The following GLI2 variants were observed in gnomAD, a reference collection of about 807,000 sequenced individuals.
GLI2 encodes the protein GLI family zinc finger 2, also known as transcription activator GLI2.
In GLI2, 22 loss-of-function variants were observed where a neutral mutation model predicts 78.9. That is an observed-to-expected ratio of 0.28 (90% CI 0.20 to 0.40). The LOEUF (loss-of-function observed/expected upper bound fraction) is 0.40. Among genes scored for constraint, GLI2 ranks in the 10% least tolerant of loss-of-function variants. GLI2 has a pLI of 1.00. For synonymous variants in GLI2, 974 were observed against 963.7 expected, an observed-to-expected ratio of 1.01 and a Z score of -0.20; for missense variants, 2,097 against 2,213.2, an observed-to-expected ratio of 0.95 and a Z score of 1.05.
In GLI2 at chr2:120,807,801, C is replaced by T. The variant is rs945363057; in HGVS notation, c.148+10333C>T. 5.9e-5 allele frequency among the ~76,000 whole-genome samples: 9 copies of T among 152,048 alleles called. No homozygotes were observed. In the East Asian group the frequency reaches 7.7e-4, roughly 13 times the overall value. ...CCCTCTGCTCACAGCCACACGTGGA[C>T]GCTGGTAACTCAGCCAGGCCCTGTG... is the stretch of plus-strand genomic sequence containing the variant. On this transcript the variant is annotated intron_variant, in intron 2 of 13. Coordinates refer to ENST00000361492, the MANE Select transcript of GLI2 (RefSeq NM_001374353.1).
Position 120,988,812 on chromosome 2 carries a change from C to A in GLI2, c.2847C>A (p.Ala949=). Residue 949 remains alanine, a synonymous_variant, in exon 14 of 14, where the codon GCC becomes GCA. Transcript: ENST00000361492. ...AFPHEAPGGG[A]RRASDPVRRP... Reference sequence around the variant, plus strand: ...CCCACGAGGCTCCAGGCGGCGGAGCCAGGCGGGCCAGCGACCCTGTGCGGC... The same window carrying A: ...CCCACGAGGCTCCAGGCGGCGGAGCAAGGCGGGCCAGCGACCCTGTGCGGC... 7.1e-7 allele frequency: 1 copy of A among 1,417,838 alleles called. No homozygotes were observed. Among genetic ancestry groups the A allele is most frequent in the Non-Finnish European group, 9.2e-7 (1 of 1,085,990 alleles). The allele number at this position is 1,417,838 out of a possible 1,614,324, so 87.8% of individuals were successfully genotyped here.
rs562772960 is a variant in GLI2, at chr2:120,941,118, G to A, written c.255-10125G>A. On this transcript the variant is annotated intron_variant, in intron 3 of 13. Coordinates refer to ENST00000361492, the MANE Select transcript of GLI2 (RefSeq NM_001374353.1). Reference sequence around the variant, plus strand: ...TCTGCAAACTGCGGCCTCAGCTCCCGTACACAGAGCCTCCCCATGAGGACA... The same window carrying A: ...TCTGCAAACTGCGGCCTCAGCTCCCATACACAGAGCCTCCCCATGAGGACA... Among the ~76,000 whole-genome samples, 406 of 152,314 alleles carry A rather than the reference G, an allele frequency of 2.7e-3. 1 individual carries two copies. Among genetic ancestry groups the A allele is most frequent in the African/African-American group, 9.0e-3 (373 of 41,572 alleles).
chr2:120,755,838 G>A (rs1353422064), intron 1 of GLI2, among the ~76,000 whole-genome samples: 1 of 152,040 alleles, frequency 6.6e-6, no homozygotes, highest in Admixed American at 6.5e-5. Context: ...AGATTATTCT[G>A]TCCGCATCAA....
intron 5 of GLI2, among the ~76,000 whole-genome samples, chr2:120,956,766 G>T (rs1002280754): frequency 3.3e-5 from 5 of 152,082 alleles, no homozygotes; most frequent in Non-Finnish European, 7.4e-5. Context: ...TGCCTGCAGG[G>T]CCGTGCAGCC....
chr2:120,813,969 G>A (rs937352696), intron 2 of GLI2, among the ~76,000 whole-genome samples: 8 of 151,964 alleles, frequency 5.3e-5, no homozygotes, highest in Admixed American at 2.0e-4. Context: ...GAGGTGAGAC[G>A]GGAGGAAAGC....
intron 2 of GLI2, among the ~76,000 whole-genome samples, chr2:120,827,733 C>G (rs1009264229): frequency 2.6e-5 from 4 of 152,328 alleles, no homozygotes; most frequent in African/African-American, 9.6e-5. Context: ...GGACACAGCA[C>G]AGATGAACCT....
At chr2:120,902,451 AG>A (rs1171135560) in intron 2 of GLI2, among the ~76,000 whole-genome samples, 4 of 152,144 alleles carry the variant, frequency 2.6e-5, no homozygotes, top group Admixed American at 2.6e-4. Context: ...TCAAGGTTTG[AG>A]TATTTCAGGA....
In GLI2 at chr2:120,877,777, G is replaced by T. The variant is rs78656535; in HGVS notation, c.149-49584G>T. On this transcript the variant is annotated intron_variant, in intron 2 of 13. Coordinates refer to ENST00000361492, the MANE Select transcript of GLI2 (RefSeq NM_001374353.1). ...CAATATACCAACGTTTTCTGATGTT[G>T]ATGGGCATTTGGGTTGTTTCCAATT... is the stretch of plus-strand genomic sequence containing the variant. Among the ~76,000 whole-genome samples, 1,326 of 152,228 alleles carry T rather than the reference G, an allele frequency of 8.7e-3. 9 individuals carry two copies. Among genetic ancestry groups the T allele is most frequent in the Non-Finnish European group, 0.013 (890 of 68,016 alleles).
In GLI2 at chr2:120,970,379, G is replaced by T; in HGVS notation, c.846-14G>T. 2.0e-6 allele frequency: 3 copies of T among 1,496,190 alleles called. No homozygotes were observed. Among genetic ancestry groups the T allele is most frequent in the Non-Finnish European group, 2.8e-6 (3 of 1,073,310 alleles). The allele number at this position is 1,496,190 out of a possible 1,614,324, so 92.7% of individuals were successfully genotyped here. A position where few individuals can be genotyped will look rare whatever the true frequency, so the allele number is the denominator to read the frequency against. On this transcript the variant is annotated splice_polypyrimidine_tract_variant and intron_variant, in intron 6 of 13. Coordinates refer to ENST00000361492, the MANE Select transcript of GLI2 (RefSeq NM_001374353.1). ...ATCCCCCACCCCCACTTCCTTGTCT[G>T]CTCTCTGTTGCAGCCCAGCCTTCAC...
At position 120,991,387 on chromosome 2, in the gene GLI2, G is replaced by C. The variant is rs1471633224; in HGVS notation, c.*712G>C. 2 of 152,658 alleles carry C rather than the reference G, an allele frequency of 1.3e-5. No homozygotes were observed. The highest frequency in any genetic ancestry group is 2.9e-5 in the Non-Finnish European group (2 of 68,072). The allele number at this position is 152,658 out of a possible 1,614,324, so 9.5% of individuals were successfully genotyped here. On this transcript the variant is annotated 3_prime_UTR_variant, in exon 14 of 14. Coordinates refer to ENST00000361492, the MANE Select transcript of GLI2 (RefSeq NM_001374353.1). ...AGTATGTAAGTATCACCAGAAAAAGGAAAGAAAAAATGTACTCCTTGGGGC... is the reference window on the plus strand; with the variant it reads ...AGTATGTAAGTATCACCAGAAAAAGCAAAGAAAAAATGTACTCCTTGGGGC...
chr2:120,944,216 G>C (rs762487353), intron 3 of GLI2, among the ~76,000 whole-genome samples: 2 of 152,182 alleles, frequency 1.3e-5, no homozygotes, highest in South Asian at 2.1e-4. Context: ...GATGGGGAAG[G>C]GTCCTGGGAT....
At chr2:120,954,858 G>A (rs547866185) in intron 4 of GLI2, among the ~76,000 whole-genome samples, 15 of 152,290 alleles carry the variant, frequency 9.8e-5, no homozygotes, top group East Asian at 3.9e-4. Flanking sequence ...GCCCAGCCGC[G>A]TGCCGCTGAA....
At chr2:120,859,622 T>G (rs1687814585) in intron 2 of GLI2, among the ~76,000 whole-genome samples, 1 of 151,994 alleles carries the variant, frequency 6.6e-6, no homozygotes, top group Admixed American at 6.6e-5. Context: ...ACCCAGCTAA[T>G]TTTTGTATTT....
At chr2:120,762,949 G>A (rs956804829) in intron 1 of GLI2, among the ~76,000 whole-genome samples, 27 of 152,350 alleles carry the variant, frequency 1.8e-4, no homozygotes, top group African/African-American at 6.5e-4. Context: ...GGACTCGAGA[G>A]GACTTTGAGG....
intron 13 of GLI2, among the ~76,000 whole-genome samples, chr2:120,987,621 A>C (rs1683040659): frequency 6.6e-6 from 1 of 152,120 alleles, no homozygotes; most frequent in African/African-American, 2.4e-5. Flanking sequence ...CCCTGTAATA[A>C]CCTGCTCCTT....
chr2:120,907,762 C>A (rs1678613561), intron 2 of GLI2, among the ~76,000 whole-genome samples: 1 of 152,248 alleles, frequency 6.6e-6, no homozygotes, highest in Non-Finnish European at 1.5e-5. Context: ...ATCATAACCC[C>A]CCCAACACAC....
chr2:120,967,148 C>G (rs1296174343), intron 5 of GLI2, among the ~76,000 whole-genome samples: 2 of 152,158 alleles, frequency 1.3e-5, no homozygotes, highest in African/African-American at 4.8e-5. Context: ...GCAACACCAC[C>G]AGCCCATGGG....
chr2:120,921,150 C>T (rs938152496), intron 2 of GLI2, among the ~76,000 whole-genome samples: 1 of 152,120 alleles, frequency 6.6e-6, no homozygotes, highest in Non-Finnish European at 1.5e-5. Flanking sequence ...TGGGACAATC[C>T]GTGCTGGTCT....
At chr2:120,912,766 AC>A (rs1678892382) in intron 2 of GLI2, among the ~76,000 whole-genome samples, 1 of 151,750 alleles carries the variant, frequency 6.6e-6, no homozygotes, top group Non-Finnish European at 1.5e-5. Flanking sequence ...GAGTCCACAC[AC>A]CCACTCCCGT....
Sources: allele counts gnomAD v4.1 joint callset (sites outside exome capture counted in the v4.1 genomes callset), GRCh38; gene constraint gnomAD v4.1.1; transcripts MANE v1.5; gene names NCBI Gene and HGNC (gene_info 2026-07-23, HGNC 2026-07-21).